Variants in TRIQK observed in about 807,000 individuals in gnomAD.
TRIQK encodes the protein triple QxxK/R motif-containing protein.
Under a neutral mutation model 10.8 loss-of-function variants are expected in TRIQK, and 10 were observed. The ratio of observed to expected loss-of-function variants is 0.92; its 90% CI spans 0.57 to 1.57. The LOEUF (loss-of-function observed/expected upper bound fraction) is 1.57, where lower values mean the gene tolerates loss of function less well. Among genes scored for constraint, TRIQK ranks in the 40% most tolerant of loss-of-function variants. TRIQK has a pLI of 0.00. For synonymous variants in TRIQK, 33 were observed against 33.7 expected, an observed-to-expected ratio of 0.98 and a Z score of 0.07; for missense variants, 107 against 97.7, an observed-to-expected ratio of 1.09 and a Z score of -0.40.
intron 3 of TRIQK, among the ~76,000 whole-genome samples, chr8:92,912,030 A>G (rs1809600800): frequency 6.6e-6 from 1 of 151,018 alleles, no homozygotes; most frequent in Non-Finnish European, 1.5e-5. Flanking sequence ...GAGACAAAAA[A>G]CTCAAGAAAA....
intron 2 of TRIQK, among the ~76,000 whole-genome samples, chr8:92,948,595 T>C (rs1327942979): frequency 6.6e-6 from 1 of 152,182 alleles, no homozygotes; most frequent in Non-Finnish European, 1.5e-5. Context: ...AAAGGTTTTT[T>C]CTTATTAAAT....
chr8:92,947,415 T>A (rs1024401918), intron 2 of TRIQK, among the ~76,000 whole-genome samples: 35 of 151,556 alleles, frequency 2.3e-4, no homozygotes, highest in Admixed American at 1.3e-3. Context: ...AAACCCTGTC[T>A]CTACTAAAAA....
At chr8:92,994,877 C>T (rs991236683) in intron 1 of TRIQK, among the ~76,000 whole-genome samples, 1 of 151,768 alleles carries the variant, frequency 6.6e-6, no homozygotes, top group Non-Finnish European at 1.5e-5. Context: ...GAGTTTAGAA[C>T]TTTTATTCTA....
chr8:92,963,168 CAAATA>C (rs1379262881), intron 1 of TRIQK, among the ~76,000 whole-genome samples: 1 of 152,170 alleles, frequency 6.6e-6, no homozygotes, highest in African/African-American at 2.4e-5. Context: ...CCAAACAGTT[CAAATA>C]AAATTACAAG....
intron 3 of TRIQK, among the ~76,000 whole-genome samples, chr8:92,897,344 G>T (rs1399778173): frequency 6.6e-6 from 1 of 152,156 alleles, no homozygotes; most frequent in Non-Finnish European, 1.5e-5. Context: ...AACTTTGAAG[G>T]CCAGGGCTAG....
At chr8:92,948,299 C>A (rs903430670) in intron 2 of TRIQK, among the ~76,000 whole-genome samples, 1 of 152,112 alleles carries the variant, frequency 6.6e-6, no homozygotes, top group Admixed American at 6.5e-5. Context: ...TAATTGCTTA[C>A]TTGGAATGCT....
At chr8:92,987,891 C>T (rs1813052925) in intron 1 of TRIQK, among the ~76,000 whole-genome samples, 1 of 151,144 alleles carries the variant, frequency 6.6e-6, no homozygotes, top group Admixed American at 6.6e-5. Flanking sequence ...GATAGAAATA[C>T]GCATATAGAT....
In TRIQK at chr8:92,954,489, G is replaced by A. The variant is rs540599704; in HGVS notation, c.-105C>T. On this transcript the variant is annotated 5_prime_UTR_variant, in exon 2 of 5. Transcript: ENST00000521988. ...GATGTTTCCAAAGCCAAGGTCTTTA[G>A]TTAGGTAGCAGTGCTTGCATTCCTG... 6.6e-6 allele frequency: 1 copy of A among 152,044 alleles called. No individual in the cohort carries two copies. Among genetic ancestry groups the A allele is most frequent in the Non-Finnish European group, 1.5e-5 (1 of 67,862 alleles). 9.4% of individuals were successfully genotyped at this position (152,044 alleles called of 1,614,324 possible).
chr8:92,982,349 A>G (rs1032565633), intron 1 of TRIQK, among the ~76,000 whole-genome samples: 1 of 152,024 alleles, frequency 6.6e-6, no homozygotes, highest in African/African-American at 2.4e-5. Context: ...CTTGAATTTC[A>G]ATAGAAATAA....
At chr8:92,960,947 T>G (rs185912606) in intron 1 of TRIQK, among the ~76,000 whole-genome samples, 5 of 152,352 alleles carry the variant, frequency 3.3e-5, no homozygotes, top group Admixed American at 3.3e-4. Context: ...TCATTTTGTT[T>G]TCTCTTACTA....
At chr8:93,012,567 T>C (rs1334971020) in intron 1 of TRIQK, among the ~76,000 whole-genome samples, 1 of 152,192 alleles carries the variant, frequency 6.6e-6, no homozygotes, top group African/African-American at 2.4e-5. Flanking sequence ...TCTTTAATTC[T>C]GCTTTTTTTT....
chr8:92,949,771 GGAAAGAAAGAAAAAGAAA>G (rs1371914868), intron 2 of TRIQK, among the ~76,000 whole-genome samples: 6 of 83,384 alleles, frequency 7.2e-5, no homozygotes, highest in South Asian at 4.5e-4. Context: ...AGAAAGAGAA[GGAAAGAAAGAAAAAGAAA>G]GAAAGAAAGA....
At chr8:92,897,157 A>C (rs189023385) in intron 3 of TRIQK, among the ~76,000 whole-genome samples, 1 of 152,164 alleles carries the variant, frequency 6.6e-6, no homozygotes, top group South Asian at 2.1e-4. Context: ...GATTAATTTC[A>C]CAGGCTCACA....
At chr8:92,916,766 C>T (rs1809874779) in intron 3 of TRIQK, among the ~76,000 whole-genome samples, 163 bp downstream of exon 3, 1 of 151,964 alleles carries the variant, frequency 6.6e-6, no homozygotes, top group Admixed American at 6.5e-5. Context: ...TACTGGTAAG[C>T]AGGACTGCAT....
chr8:92,907,059 A>T (rs931347258), intron 3 of TRIQK, among the ~76,000 whole-genome samples: 2 of 152,196 alleles, frequency 1.3e-5, no homozygotes, highest in African/African-American at 4.8e-5. Context: ...TGAAAATGGG[A>T]GAGAAAGAGA....
At chr8:92,947,455 A>C (rs1256647056) in intron 2 of TRIQK, among the ~76,000 whole-genome samples, 1 of 151,526 alleles carries the variant, frequency 6.6e-6, no homozygotes, top group South Asian at 2.1e-4. Flanking sequence ...ATGGTGGTGG[A>C]CTCCTGTAAT....
chr8:93,013,598 G>A (rs1027875872), intron 1 of TRIQK, among the ~76,000 whole-genome samples: 4 of 152,170 alleles, frequency 2.6e-5, no homozygotes, highest in African/African-American at 9.7e-5. Flanking sequence ...AGTGTGGTCT[G>A]AGAAATAGAA....
At chr8:92,957,792 A>C (rs1254701979) in intron 1 of TRIQK, among the ~76,000 whole-genome samples, 1 of 151,872 alleles carries the variant, frequency 6.6e-6, no homozygotes, top group Non-Finnish European at 1.5e-5. Context: ...TTAATATTCT[A>C]AAAAAGTTTA....
intron 3 of TRIQK, among the ~76,000 whole-genome samples, chr8:92,912,821 A>T (rs1178375696): frequency 1.3e-5 from 2 of 152,064 alleles, no homozygotes; most frequent in African/African-American, 4.8e-5. Flanking sequence ...AATGAGACTG[A>T]ATCAATAGTC....
Sources: gnomAD v4.1 joint callset for allele counts (sites outside exome capture counted in the v4.1 genomes callset) on GRCh38, gnomAD v4.1.1 for gene constraint, MANE v1.5 for transcripts, NCBI Gene and HGNC (gene_info 2026-07-23, HGNC 2026-07-21) for gene names.